Variants in SMARCAD1 observed in about 807,000 individuals in gnomAD.
SMARCAD1 encodes the protein SWI/SNF-related matrix-associated actin-dependent regulator of chromatin subfamily A containing DEAD/H box 1.
SMARCAD1 carries 25 observed loss-of-function variants against 127.1 expected under a neutral mutation model. The observed-to-expected ratio is 0.20, with a 90% confidence interval of 0.14 to 0.27. The LOEUF is 0.27. SMARCAD1 is among the 10% of genes least tolerant of loss of function. The pLI is 1.00. For missense variants in SMARCAD1, 807 were observed against 1,206.0 expected (o/e 0.67, Z 4.90); for synonymous variants, 400 against 396.9 (o/e 1.01, Z -0.09).
At position 94,207,869 on chromosome 4, in the gene SMARCAD1, C is replaced by T. The variant is rs1183288586; in HGVS notation, c.-251C>T. The T allele has an allele frequency of 6.0e-6, 2 of 333,548 alleles. No individual in the cohort carries two copies. The highest frequency in any genetic ancestry group is 8.1e-5 in the East Asian group (1 of 12,322). 20.7% of individuals were successfully genotyped at this position (333,548 alleles called of 1,614,324 possible). A position where few individuals can be genotyped will look rare whatever the true frequency, so the allele number is the denominator to read the frequency against. The stretch of plus-strand genomic sequence containing the variant: ...CCTCTCAGCTGGGATCGCGCCGCGT[C>T]AACTTCCGGGCGGATGCCCGCCAGC... On this transcript the variant is annotated 5_prime_UTR_variant, in exon 1 of 24. Transcript: ENST00000354268.
chr4:94,225,193 C>T (rs1035497816), intron 2 of SMARCAD1, among the ~76,000 whole-genome samples: 12 of 152,148 alleles, frequency 7.9e-5, no homozygotes, highest in African/African-American at 2.9e-4. Flanking sequence ...TAACAAAATG[C>T]TACAGGTTCG....
intron 6 of SMARCAD1, among the ~76,000 whole-genome samples, chr4:94,242,274 A>AC (rs1454531164): frequency 6.6e-6 from 1 of 151,366 alleles, no homozygotes; most frequent in East Asian, 1.9e-4. Context: ...CGAACTCCTG[A>AC]CCTCAAGTGA....
In SMARCAD1 at chr4:94,232,185, ATTATTTATTTTCT is replaced by A. The variant is rs940559934; in HGVS notation, c.369-1768_369-1756del. Among the ~76,000 whole-genome samples, 889 of 152,168 alleles carry A rather than the reference ATTATTTATTTTCT, an allele frequency of 5.8e-3. 11 individuals are homozygous for A. Among genetic ancestry groups the A allele is most frequent in the African/African-American group, 0.02 (849 of 41,522 alleles). ...GCTGGTTTTTCTTTTTCTTCATGAC[ATTATTTATTTTCT>A]ATCACTTGTATTTCCTGTAGTCTGG... On this transcript the variant is annotated intron_variant, in intron 3 of 23. Transcript: ENST00000354268.
rs75413615 is a variant in SMARCAD1, at chr4:94,250,876, G to A, written c.889+43G>A. On this transcript the variant is annotated intron_variant, in intron 8 of 23. Transcript: ENST00000354268. ...TAGAAAATACATACTTCTCATTATA[G>A]TCTGTATTTTAGTATATAAGAAAAT... 0.014 allele frequency: 20,130 copies of A among 1,455,012 alleles called. 2,110 individuals are homozygous for A. The African/African-American group carries it at 0.23, about 17-fold the overall frequency. 90.1% of individuals were successfully genotyped at this position (1,455,012 alleles called of 1,614,324 possible).
intron 9 of SMARCAD1, among the ~76,000 whole-genome samples, chr4:94,255,181 G>A (rs1038501916): frequency 6.6e-6 from 1 of 151,940 alleles, no homozygotes; most frequent in South Asian, 2.1e-4. Flanking sequence ...AAATTACAAG[G>A]TATTAAATAT....
intron 2 of SMARCAD1, among the ~76,000 whole-genome samples, chr4:94,214,473 T>C (rs1310714180): frequency 6.6e-6 from 1 of 151,940 alleles, no homozygotes; most frequent in Non-Finnish European, 1.5e-5. Flanking sequence ...TTCACCGTAT[T>C]AGCCAGGATG....
rs186777463 is a variant in SMARCAD1, at chr4:94,268,682, T to C, written c.1482-2046T>C. On this transcript the variant is annotated intron_variant, in intron 10 of 23. Transcript: ENST00000354268. ...CTGACACTACCATTGCAGATACAGA[T>C]TTGGTTAGCTACATGACCTTGGGCA... is the stretch of plus-strand genomic sequence containing the variant. Among the ~76,000 whole-genome samples the C allele has an allele frequency of 2.8e-4, 42 of 152,256 alleles. No individual in the cohort carries two copies. In the East Asian group the frequency reaches 2.9e-3, roughly 10 times the overall value.
rs2632401 is a variant in SMARCAD1 at position 94,225,904 on chromosome 4, C to G, written c.191-215C>G. ...ACAAACCTATGTTATTTTGCAGTTT[C>G]CACTAAAGTCTTGTTAGTAAACAAC... On this transcript the variant is annotated intron_variant, in intron 2 of 23. Coordinates refer to ENST00000354268, the MANE Select transcript of SMARCAD1 (RefSeq NM_020159.5). Among the ~76,000 whole-genome samples the G allele has an allele frequency of 0.4, 60,453 of 151,976 alleles. 12,702 individuals are homozygous for G. The highest frequency in any genetic ancestry group is 0.71 in the East Asian group (3,697 of 5,172).
At chr4:94,259,786 A>G (rs10030605) in intron 9 of SMARCAD1, among the ~76,000 whole-genome samples, 20,292 of 152,176 alleles carry the variant, frequency 0.13, 1,655 homozygotes, top group Non-Finnish European at 0.19. Context: ...CATCTCAGAC[A>G]TCATTTTATC....
chr4:94,221,778 AG>A (rs1411759671), intron 2 of SMARCAD1, among the ~76,000 whole-genome samples: 1 of 152,214 alleles, frequency 6.6e-6, no homozygotes, highest in East Asian at 1.9e-4. Context: ...GATCAACACC[AG>A]GAAGATTACA....
chr4:94,253,405 A>G (rs1579213449), intron 9 of SMARCAD1: 1 of 1,256,028 alleles, frequency 8.0e-7, no homozygotes, highest in East Asian at 5.6e-5. Flanking sequence ...TACTACAACT[A>G]CTTGAAGAGC....
At chr4:94,281,080 A>G (rs768937625) in intron 20 of SMARCAD1, among the ~76,000 whole-genome samples, 2 of 152,182 alleles carry the variant, frequency 1.3e-5, no homozygotes, top group African/African-American at 4.8e-5. Flanking sequence ...GTTTTTAAAG[A>G]CACTATTTGT....
chr4:94,250,811 A>C lies in SMARCAD1; in HGVS notation c.867A>C (p.Leu289=). Residue 289 remains leucine (L), a synonymous_variant, in exon 8 of 24, where the codon CTA becomes CTC. Coordinates refer to ENST00000354268, the MANE Select transcript of SMARCAD1 (RefSeq NM_020159.5). ...TGTACACAGAAGCTTTAGAATCTCT[A>C]AAAGTGTTTGCAGAAGACCAAGGTA... ...EWMYTEALES[L]KVFAEDQDMQ... 6.2e-7 allele frequency: 1 copy of C among 1,612,336 alleles called. No individual in the cohort carries two copies. The highest frequency in any genetic ancestry group is 1.1e-5 in the South Asian group (1 of 90,962).
intron 23 of SMARCAD1, among the ~76,000 whole-genome samples, chr4:94,285,834 A>G (rs1264487830): frequency 6.6e-6 from 1 of 152,220 alleles, no homozygotes; most frequent in Non-Finnish European, 1.5e-5. Context: ...TAGTTAAACA[A>G]TTAGCAGTCA....
intron 10 of SMARCAD1, among the ~76,000 whole-genome samples, chr4:94,265,898 T>A (rs1751674199): frequency 6.6e-6 from 1 of 152,088 alleles, no homozygotes; most frequent in Non-Finnish European, 1.5e-5. Flanking sequence ...TAAAATTAAT[T>A]GCCTTAGTTG....
rs763377432 is a variant in SMARCAD1, at chr4:94,283,319, T to C, written c.2909+16T>C. ...GCCAGACTAAGTAAGTGTTTTTAGT[T>C]GGAATGTATTTTTAATTCAGTGCCA... On this transcript the variant is annotated intron_variant, in intron 22 of 23. Coordinates refer to ENST00000354268, the MANE Select transcript of SMARCAD1 (RefSeq NM_020159.5). 1 of 1,608,092 alleles carries C rather than the reference T, an allele frequency of 6.2e-7. No individual in the cohort carries two copies.
chr4:94,286,497 C>G (rs768435230), intron 23 of SMARCAD1, among the ~76,000 whole-genome samples: 7 of 152,194 alleles, frequency 4.6e-5, no homozygotes, highest in Admixed American at 4.6e-4. Context: ...GCATTTCCCA[C>G]CTGCAGACAC....
chr4:94,207,892 A>C lies in SMARCAD1; in HGVS notation c.-228A>C, dbSNP rs967683773. On this transcript the variant is annotated 5_prime_UTR_variant, in exon 1 of 24. Transcript: ENST00000354268. Reference sequence around the variant, plus strand: ...GTCAACTTCCGGGCGGATGCCCGCCAGCACGGCCTCCGCCGCTCCCCTTCT... The same window carrying C: ...GTCAACTTCCGGGCGGATGCCCGCCCGCACGGCCTCCGCCGCTCCCCTTCT... 2.7e-5 allele frequency: 9 copies of C among 333,320 alleles called. No individual in the cohort carries two copies. Among genetic ancestry groups the C allele is most frequent in the Non-Finnish European group, 1.2e-5 (2 of 170,452 alleles). The allele number at this position is 333,320 out of a possible 1,614,324, so 20.6% of individuals were successfully genotyped here.
At chr4:94,221,337 C>T (rs867390106) in intron 2 of SMARCAD1, among the ~76,000 whole-genome samples, 10 of 152,140 alleles carry the variant, frequency 6.6e-5, no homozygotes, top group African/African-American at 2.2e-4. Flanking sequence ...ACATGGTTAA[C>T]GGTTTTAACG....
Sources: allele counts gnomAD v4.1 joint callset (sites outside exome capture counted in the v4.1 genomes callset), GRCh38; gene constraint gnomAD v4.1.1; transcripts MANE v1.5; gene names NCBI Gene and HGNC (gene_info 2026-07-23, HGNC 2026-07-21).